Variants in NXNL2 observed in about 807,000 individuals in gnomAD.
NXNL2 encodes the protein nucleoredoxin-like protein 2.
In NXNL2, 7 loss-of-function variants were observed where a neutral mutation model predicts 11.1. The ratio of observed to expected loss-of-function variants is 0.63; its 90% CI spans 0.36 to 1.18. NXNL2 has a LOEUF of 1.18. NXNL2 is among the 50% of genes most tolerant of loss of function. The probability of loss-of-function intolerance (pLI) is 0.02; values close to 1 mark genes in which losing one functional copy is unlikely to be tolerated. For synonymous variants in NXNL2, 109 were observed against 101.8 expected (o/e 1.07, Z -0.42); for missense variants, 233 against 217.7 (o/e 1.07, Z -0.44).
At chr9:88,576,144 G>C (rs545758230), downstream of NXNL2, among the ~76,000 whole-genome samples, 1 of 152,194 alleles carries the variant, frequency 6.6e-6, no homozygotes, top group Non-Finnish European at 1.5e-5. Context: ...ACAGTGAGCC[G>C]AGATTGTGCC....
chr9:88,577,965 C>T (rs1281071779), downstream of NXNL2, among the ~76,000 whole-genome samples: 1 of 152,208 alleles, frequency 6.6e-6, no homozygotes, highest in Non-Finnish European at 1.5e-5. Context: ...AGGCCCCTGC[C>T]GTTATATTCA....
At chr9:88,546,900 A>T (rs940423141), downstream of NXNL2, among the ~76,000 whole-genome samples, 1 of 152,208 alleles carries the variant, frequency 6.6e-6, no homozygotes, top group African/African-American at 2.4e-5. Context: ...CATCATCCTG[A>T]GGGAAAGCCA....
At chr9:88,557,016 G>C (rs1325090175) in intron 1 of NXNL2, among the ~76,000 whole-genome samples, 2 of 149,668 alleles carry the variant, frequency 1.3e-5, no homozygotes, top group Non-Finnish European at 3.0e-5. Context: ...GGGAGGCGGA[G>C]GTTGCAGTGA....
At chr9:88,542,920 C>T (rs377631572) in intron 1 of NXNL2, among the ~76,000 whole-genome samples, 9 of 152,052 alleles carry the variant, frequency 5.9e-5, no homozygotes, top group African/African-American at 2.2e-4. Flanking sequence ...GTTCACAATC[C>T]TGAGGGTGAC....
chr9:88,558,887 G>A (rs1345103131), intron 1 of NXNL2, among the ~76,000 whole-genome samples: 1 of 152,130 alleles, frequency 6.6e-6, no homozygotes, highest in Non-Finnish European at 1.5e-5. Context: ...CTCAAGGGGA[G>A]AGATGGCAGG....
intron 1 of NXNL2, among the ~76,000 whole-genome samples, chr9:88,558,828 C>T: frequency 6.6e-6 from 1 of 151,988 alleles, no homozygotes; most frequent in Non-Finnish European, 1.5e-5. Context: ...GGAGAAATAC[C>T]TTGGTTTTTC....
Position 88,536,119 on chromosome 9 carries a change from G to A in NXNL2, c.302+383G>A, listed in dbSNP as rs574154787. Among the ~76,000 whole-genome samples the A allele has an allele frequency of 1.1e-4, 16 of 152,280 alleles. No individual in the cohort carries two copies. In the South Asian group the frequency reaches 2.9e-3, roughly 28 times the overall value. On this transcript the variant is annotated intron_variant, in intron 1 of 1. Coordinates refer to ENST00000375854, the MANE Select transcript of NXNL2 (RefSeq NM_001161625.2). ...CCGGCCCAATCAGCCCTGGACTCCC[G>A]GCGCCGCTGCGTCATCCTCCCAGTT...
intron 1 of NXNL2, among the ~76,000 whole-genome samples, chr9:88,538,231 G>A (rs1383828113): frequency 6.6e-6 from 1 of 152,174 alleles, no homozygotes; most frequent in Non-Finnish European, 1.5e-5. Flanking sequence ...GGCTGGTACT[G>A]AGTGTCTCTT....
intron 1 of NXNL2, among the ~76,000 whole-genome samples, chr9:88,555,329 C>G (rs1222293906): frequency 6.6e-6 from 1 of 152,118 alleles, no homozygotes; most frequent in Non-Finnish European, 1.5e-5. Context: ...GGTGGTGAAT[C>G]CTCAAAACCC....
At chr9:88,559,382 C>T (rs899855580) in intron 1 of NXNL2, among the ~76,000 whole-genome samples, 4 of 152,210 alleles carry the variant, frequency 2.6e-5, no homozygotes, top group Admixed American at 1.3e-4. Context: ...AGAGAGGAGG[C>T]TGCAACACGA....
chr9:88,551,961 A>G (rs148923633), intron 1 of NXNL2, among the ~76,000 whole-genome samples: 19 of 152,276 alleles, frequency 1.2e-4, no homozygotes, highest in African/African-American at 2.9e-4. Flanking sequence ...TTGTCACCTC[A>G]GGGGTGGTAA....
At chr9:88,560,218 G>A (rs1217657137) in intron 1 of NXNL2, among the ~76,000 whole-genome samples, 1 of 152,024 alleles carries the variant, frequency 6.6e-6, no homozygotes, top group Non-Finnish European at 1.5e-5. Context: ...ACCTCTGGAT[G>A]TGGATGCATC....
chr9:88,544,692 CAA>C lies in NXNL2; in HGVS notation c.*146_*147del. The C allele has an allele frequency of 2.8e-6, 4 of 1,412,880 alleles. No homozygotes were observed. Among genetic ancestry groups the C allele is most frequent in the Non-Finnish European group, 3.7e-6 (4 of 1,084,950 alleles). 87.5% of individuals were successfully genotyped at this position (1,412,880 alleles called of 1,614,324 possible). ...GAAGCACTAAGCTGTGGTCAAAAAG[CAA>C]CTATTGCTCAGGAAATAATACACTC... On this transcript the variant is annotated 3_prime_UTR_variant, in exon 2 of 2. Transcript: ENST00000375854.
chr9:88,536,332 C>T (rs1049091654), intron 1 of NXNL2, among the ~76,000 whole-genome samples: 27 of 152,280 alleles, frequency 1.8e-4, no homozygotes, highest in African/African-American at 6.0e-4. Context: ...TTCATTTTTA[C>T]CGACACTGAT....
At chr9:88,566,908 A>T (rs34773562) in intron 1 of NXNL2, among the ~76,000 whole-genome samples, 35,379 of 150,302 alleles carry the variant, frequency 0.24, 6,371 homozygotes, top group East Asian at 0.78. Context: ...TCTATCTATC[A>T]TCTATCTATC....
chr9:88,558,185 G>T (rs1423201165), intron 1 of NXNL2, among the ~76,000 whole-genome samples: 1 of 152,124 alleles, frequency 6.6e-6, no homozygotes, highest in Non-Finnish European at 1.5e-5. Context: ...GGACCTCCTG[G>T]GAGGGAAGAG....
At chr9:88,561,742 A>G (rs1433864985) in intron 1 of NXNL2, among the ~76,000 whole-genome samples, 1 of 152,178 alleles carries the variant, frequency 6.6e-6, no homozygotes, top group Non-Finnish European at 1.5e-5. Context: ...ATTAGAAACC[A>G]ACCACACCAG....
chr9:88,548,029 A>G (rs1246360838), downstream of NXNL2, among the ~76,000 whole-genome samples: 3 of 147,462 alleles, frequency 2.0e-5, no homozygotes, highest in Non-Finnish European at 4.5e-5. Context: ...AAAAAAAAAT[A>G]AAGAAAAAAG....
intron 2 of NXNL2, among the ~76,000 whole-genome samples, chr9:88,574,180 C>G (rs1830314843): frequency 6.6e-6 from 1 of 152,164 alleles, no homozygotes; most frequent in Admixed American, 6.5e-5. Flanking sequence ...ATGTTCATAG[C>G]AGTATTATTC....
Sources: gnomAD v4.1 joint callset for allele counts (sites outside exome capture counted in the v4.1 genomes callset) on GRCh38, gnomAD v4.1.1 for gene constraint, MANE v1.5 for transcripts, NCBI Gene and HGNC (gene_info 2026-07-23, HGNC 2026-07-21) for gene names.